The following CHST7 variants were observed in gnomAD, a reference collection of about 807,000 sequenced individuals.
CHST7 encodes N-acetylglucosamine 6-O-sulfotransferase 4.
Under a neutral mutation model 9.0 loss-of-function variants are expected in CHST7, and 5 were observed. The ratio of observed to expected loss-of-function variants is 0.56; its 90% CI spans 0.29 to 1.17. The LOEUF (loss-of-function observed/expected upper bound fraction) is 1.17, where lower values mean the gene tolerates loss of function less well. CHST7 is among the 50% of genes most tolerant of loss of function. The pLI is 0.08. For missense variants in CHST7, 377 were observed against 485.1 expected (o/e 0.78, Z 2.09); for synonymous variants, 244 against 237.1 (o/e 1.03, Z -0.27).
chrX:46,582,002 A>G (rs898802073), intron 1 of CHST7, among the ~76,000 whole-genome samples: 1 of 112,293 alleles, frequency 8.9e-6, no homozygotes, highest in Admixed American at 9.4e-5. Context: ...GTTTTACGCA[A>G]ATTCCGGCAG....
At chrX:46,589,369 G>C (rs928929074) in intron 1 of CHST7, among the ~76,000 whole-genome samples, 1 of 110,811 alleles carries the variant, frequency 9.0e-6, no homozygotes, top group Non-Finnish European at 1.9e-5. Flanking sequence ...GGCCAACATA[G>C]TGAAACCCCG....
intron 1 of CHST7, among the ~76,000 whole-genome samples, chrX:46,593,789 G>T (rs1030226945): frequency 3.6e-5 from 4 of 111,455 alleles, no homozygotes; most frequent in African/African-American, 9.8e-5. Flanking sequence ...GTATCTCTTT[G>T]TATGTTTATT....
chrX:46,582,729 CCTT>C (rs1233606613), intron 1 of CHST7, among the ~76,000 whole-genome samples: 3 of 111,889 alleles, frequency 2.7e-5, no homozygotes, highest in African/African-American at 9.8e-5. Flanking sequence ...GTTCAGGCGG[CCTT>C]CTTCTGGTAC....
At chrX:46,596,093 A>G (rs756634675) in intron 1 of CHST7, among the ~76,000 whole-genome samples, 14 of 107,755 alleles carry the variant, frequency 1.3e-4, no homozygotes, top group Non-Finnish European at 2.7e-4. Flanking sequence ...AGCCGAGATC[A>G]TTGCACTGCA....
intron 1 of CHST7, among the ~76,000 whole-genome samples, chrX:46,596,949 A>AT (rs1469800360): frequency 3.6e-4 from 10 of 28,096 alleles, no homozygotes; most frequent in African/African-American, 2.2e-3. Context: ...TCTGTCTCAA[A>AT]AAAAAAAAAA....
intron 1 of CHST7, among the ~76,000 whole-genome samples, chrX:46,576,966 C>A (rs1942502266): frequency 2.7e-5 from 3 of 111,298 alleles, no homozygotes; most frequent in Middle Eastern, 4.6e-3. Context: ...CTTGTCACAT[C>A]TTAACAAAAA....
intron 1 of CHST7, among the ~76,000 whole-genome samples, chrX:46,585,255 T>C (rs374582372): frequency 4.2e-5 from 1 of 23,878 alleles, no homozygotes; most frequent in African/African-American, 9.4e-4. Flanking sequence ...CCACTTTCTC[T>C]TTTTTTTCTT....
At position 46,575,086 on chromosome X, in the gene CHST7, G is replaced by A; in HGVS notation, c.1155G>A (p.Gln385=). The change falls in exon 1 of 2, where the codon CAG becomes CAA. Residue 385 remains glutamine, a synonymous_variant. Coordinates refer to ENST00000276055, the MANE Select transcript of CHST7 (RefSeq NM_019886.4). ...YEDLVRQPRA[Q]LRRLLRFSGL... ...ACCTGGTGCGGCAGCCACGCGCCCA[G>A]CTGCGCCGCCTGCTGCGCTTCTCCG... is the stretch of plus-strand genomic sequence containing the variant. The A allele has an allele frequency of 2.7e-6, 3 of 1,122,705 alleles. No individual in the cohort carries two copies. The highest frequency in any genetic ancestry group is 2.3e-6 in the Non-Finnish European group (2 of 859,899). The allele number at this position is 1,122,705 out of a possible 1,213,427, so 92.5% of individuals were successfully genotyped here. A position where few individuals can be genotyped will look rare whatever the true frequency, so the allele number is the denominator to read the frequency against.
Position 46,574,673 on chromosome X carries a change from G to C in CHST7, c.742G>C (p.Val248Leu). The change falls in exon 1 of 2, where the codon GTC (valine) becomes CTC (leucine). Residue 248 changes from valine to leucine, a missense_variant. By Grantham distance (32) the Val-to-Leu change is conservative (BLOSUM62 1). Around this residue, in one of 3 missense-constraint regions of CHST7, gnomAD observed 239 missense variants for 325.7 expected, o/e 0.73. Transcript: ENST00000276055. The stretch of plus-strand genomic sequence containing the variant: ...CGAGTGCCGAAAGTACCCGGTGGTG[G>C]TCATCAAGGACGTGCGCCTGCTCGA... ...EAECRKYPVV[V>L]IKDVRLLDLG... The C allele has an allele frequency of 8.3e-7, 1 of 1,209,452 alleles. No individual in the cohort carries two copies. The highest frequency in any genetic ancestry group is 1.8e-5 in the South Asian group (1 of 56,427).
chrX:46,584,690 G>A (rs1442795018), intron 1 of CHST7, among the ~76,000 whole-genome samples: 1 of 111,660 alleles, frequency 9.0e-6, no homozygotes, highest in Admixed American at 9.5e-5. Context: ...TATCCAGCAG[G>A]TTGGAAACCA....
intron 1 of CHST7, among the ~76,000 whole-genome samples, chrX:46,586,454 G>A (rs1942550124): frequency 8.9e-6 from 1 of 111,826 alleles, no homozygotes; most frequent in Admixed American, 9.5e-5. Context: ...TAACCCCTAT[G>A]GGGACCAATG....
chrX:46,573,850 G>C lies in CHST7; in HGVS notation c.-82G>C. ...TCCCGGCGCAGAGGGGCCGGGAGAG[G>C]CCACAGGAGCGGACCTGGCACGGGA... On this transcript the variant is annotated 5_prime_UTR_variant, in exon 1 of 2. Coordinates refer to ENST00000276055, the MANE Select transcript of CHST7 (RefSeq NM_019886.4). 8.8e-7 allele frequency: 1 copy of C among 1,139,320 alleles called. No individual in the cohort carries two copies. The highest frequency in any genetic ancestry group is 1.8e-5 in the African/African-American group (1 of 55,541). 93.9% of individuals were successfully genotyped at this position (1,139,320 alleles called of 1,213,427 possible).
chrX:46,578,271 T>TTTTTTTTG (rs1942508789), intron 1 of CHST7, among the ~76,000 whole-genome samples: 1 of 77,917 alleles, frequency 1.3e-5, no homozygotes, highest in African/African-American at 5.2e-5. Context: ...GCCATGCTCT[T>TTTTTTTTG]TTTTTTTTTT....
chrX:46,575,048 C>A lies in CHST7; in HGVS notation c.1117C>A (p.Leu373Met), dbSNP rs746271472. The A allele has an allele frequency of 8.8e-7, 1 of 1,135,090 alleles. No individual in the cohort carries two copies. Among genetic ancestry groups the A allele is most frequent in the Non-Finnish European group, 1.2e-6 (1 of 867,599 alleles). The allele number at this position is 1,135,090 out of a possible 1,213,427, so 93.5% of individuals were successfully genotyped here. A position where few individuals can be genotyped will look rare whatever the true frequency, so the allele number is the denominator to read the frequency against. The part of the protein sequence containing the change: ...PAWLRRRYLR[L>M]RYEDLVRQPR... ...CTGGCTGCGGCGCCGCTACCTGAGG[C>A]TGCGCTATGAGGACCTGGTGCGGCA... The change falls in exon 1 of 2, where the codon CTG becomes ATG. Residue 373 changes from leucine to methionine, a missense_variant. By Grantham distance (15) the Leu-to-Met change is conservative. Transcript: ENST00000276055.
chrX:46,577,888 A>G (rs1223018413), intron 1 of CHST7, among the ~76,000 whole-genome samples: 1 of 112,055 alleles, frequency 8.9e-6, no homozygotes, highest in East Asian at 2.8e-4. Context: ...AAAGCCGACA[A>G]CTTTACAGCC....
At position 46,574,445 on chromosome X, in the gene CHST7, G is replaced by A. The variant is rs773697310; in HGVS notation, c.514G>A (p.Ala172Thr). 1.4e-4 allele frequency: 165 copies of A among 1,205,730 alleles called. No individual in the cohort carries two copies. Among genetic ancestry groups the A allele is most frequent in the Non-Finnish European group, 1.7e-4 (155 of 893,629 alleles). The change falls in exon 1 of 2, where the codon GCG becomes ACG. Residue 172 changes from alanine (A) to threonine (T), a missense_variant. Physicochemically the swap from Ala to Thr is moderately conservative, Grantham distance 58. Around this residue, in one of 3 missense-constraint regions of CHST7, gnomAD observed 239 missense variants for 325.7 expected, o/e 0.73. Transcript: ENST00000276055. ...CGACTTCTCCGTGCTGCGGCTGTAC[G>A]CGCCGCCGGGGGACCCCGCTGCGCG... The part of the protein sequence containing the change: ...RCDFSVLRLY[A>T]PPGDPAARAP...
rs1260722094 is a variant in CHST7 at position 46,574,104 on chromosome X, AGGC to A, written c.183_185del (p.Ala62del). The stretch of plus-strand genomic sequence containing the variant: ...CGCAGCCTGGGAGTGTGGAGCCTGG[AGGC>A]GGCGGCGGCCGGCGAACGCGAGCAG... On this transcript the variant is annotated inframe_deletion, in exon 1 of 2. Coordinates refer to ENST00000276055, the MANE Select transcript of CHST7 (RefSeq NM_019886.4). 1 of 1,162,159 alleles carries A rather than the reference AGGC, an allele frequency of 8.6e-7. No individual in the cohort carries two copies. The highest frequency in any genetic ancestry group is 2.6e-5 in the Admixed American group (1 of 38,930).
At chrX:46,578,259 C>T (rs1942508305) in intron 1 of CHST7, among the ~76,000 whole-genome samples, 1 of 97,807 alleles carries the variant, frequency 1.0e-5, no homozygotes, top group Admixed American at 1.2e-4. Context: ...GTTTTTCCTC[C>T]TGCCATGCTC....
chrX:46,593,641 CTAAT>C (rs1019963734), intron 1 of CHST7, among the ~76,000 whole-genome samples: 1 of 112,028 alleles, frequency 8.9e-6, no homozygotes, highest in Non-Finnish European at 1.9e-5. Flanking sequence ...TATACTTAAT[CTAAT>C]TATTGATATT....
Sources: gnomAD v4.1 joint callset for allele counts (sites outside exome capture counted in the v4.1 genomes callset) on GRCh38, gnomAD v4.1.1 for gene constraint, gnomAD v4.1.1 regional missense constraint, MANE v1.5 for transcripts, NCBI Gene and HGNC (gene_info 2026-07-23, HGNC 2026-07-21) for gene names.